The following HERC2 variants were observed in gnomAD, a reference collection of about 807,000 sequenced individuals.
The protein encoded by HERC2 is HECT and RLD domain containing E3 ubiquitin protein ligase 2.
HERC2 carries 102 observed loss-of-function variants against 537.7 expected under a neutral mutation model. That is an observed-to-expected ratio of 0.19 (90% CI 0.16 to 0.22). The LOEUF is 0.22. Among genes scored for constraint, HERC2 ranks in the 10% least tolerant of loss-of-function variants. The probability of loss-of-function intolerance (pLI) is 1.00; values close to 1 mark genes in which losing one functional copy is unlikely to be tolerated. For synonymous variants in HERC2, 2,224 were observed against 2,466.2 expected (o/e 0.90, Z 2.91); for missense variants, 4,236 against 6,198.2 (o/e 0.68, Z 10.63).
At chr15:28,220,843 C>A (rs530694998) in intron 36 of HERC2, among the ~76,000 whole-genome samples, 199 bp from the exon 37 acceptor site, 1 of 148,952 alleles carries the variant, frequency 6.7e-6, no homozygotes, top group Admixed American at 6.7e-5. Flanking sequence ...TAGGAGGGTG[C>A]GTGCCCTGCC....
chr15:28,158,123 T>C (rs1893206124), intron 69 of HERC2, among the ~76,000 whole-genome samples: 1 of 152,232 alleles, frequency 6.6e-6, no homozygotes, highest in South Asian at 2.1e-4. Context: ...ATTTCTGTTA[T>C]TTTACATTTG....
At chr15:28,128,619 G>A (rs1190325871) in intron 83 of HERC2, among the ~76,000 whole-genome samples, 2 of 152,228 alleles carry the variant, frequency 1.3e-5, no homozygotes, top group Non-Finnish European at 2.9e-5. Context: ...TTAACGAGGA[G>A]CACAGTTTGT....
chr15:28,294,564 C>G (rs1207544473), intron 3 of HERC2, among the ~76,000 whole-genome samples: 1 of 150,238 alleles, frequency 6.7e-6, no homozygotes, highest in Non-Finnish European at 1.5e-5. Context: ...TCTGCTCTCA[C>G]GGATAAGATC....
chr15:28,257,326 G>T, intron 16 of HERC2, 65 bp from the exon 17 acceptor site: 1 of 1,385,762 alleles, frequency 7.2e-7, no homozygotes, highest in Non-Finnish European at 1.0e-6. Context: ...CTCCACAGGA[G>T]TCACCAGCGT....
At chr15:28,186,439 C>A (rs543956513) in intron 56 of HERC2, 138 bp downstream of exon 56, 3 of 599,862 alleles carry the variant, frequency 5.0e-6, no homozygotes, top group South Asian at 7.8e-5. Context: ...TTTTTGGAAA[C>A]AACTGTAATT....
intron 9 of HERC2, among the ~76,000 whole-genome samples, chr15:28,271,648 G>A (rs989712712): frequency 5.9e-5 from 9 of 151,758 alleles, no homozygotes; most frequent in Non-Finnish European, 1.2e-4. Flanking sequence ...CAGCCTGGGC[G>A]ACAGAGCAAG....
intron 69 of HERC2, among the ~76,000 whole-genome samples, chr15:28,160,304 T>C (rs1400963235): frequency 6.6e-6 from 1 of 152,206 alleles, no homozygotes; most frequent in Non-Finnish European, 1.5e-5. Flanking sequence ...CTGCTGCCTT[T>C]TGTTCGGCTA....
intron 35 of HERC2, among the ~76,000 whole-genome samples, chr15:28,223,479 G>A (rs1900746723): frequency 6.6e-6 from 1 of 152,128 alleles, no homozygotes; most frequent in Admixed American, 6.5e-5. Context: ...ACTAGCAGGG[G>A]AAACAGCCTT....
At position 28,111,689 on chromosome 15, in the gene HERC2, G is replaced by T; in HGVS notation, c.*74C>A. On this transcript the variant is annotated 3_prime_UTR_variant, in exon 93 of 93. Coordinates refer to ENST00000261609, the MANE Select transcript of HERC2 (RefSeq NM_004667.6). ...CGCTTCTCATCAGACACACCAGGCA[G>T]CCTACAGTCTACACAGCAGCGAGCG... 1 of 1,506,712 alleles carries T rather than the reference G, an allele frequency of 6.6e-7. No homozygotes were observed. The highest frequency in any genetic ancestry group is 9.1e-7 in the Non-Finnish European group (1 of 1,099,930). The allele number at this position is 1,506,712 out of a possible 1,614,324, so 93.3% of individuals were successfully genotyped here.
chr15:28,220,576 C>A lies in HERC2; in HGVS notation c.5721G>T (p.Gln1907His), dbSNP rs778271458. The A allele has an allele frequency of 6.2e-7, 1 of 1,602,328 alleles. No individual in the cohort carries two copies. The highest frequency in any genetic ancestry group is 2.2e-5 in the East Asian group (1 of 44,878). The change falls in exon 37 of 93, where the codon CAG becomes CAT. Residue 1907 changes from glutamine to histidine, a missense_variant. Physicochemically the swap from Gln to His is conservative, Grantham distance 24 (BLOSUM62 0). Around this residue, in one of 27 missense-constraint regions of HERC2, gnomAD observed 365 missense variants for 468.8 expected, o/e 0.78. Transcript: ENST00000261609. ...ELGEDGWIRVQWDTGSTNSYR... is the reference protein window; with the variant it reads ...ELGEDGWIRVHWDTGSTNSYR... The stretch of plus-strand genomic sequence containing the variant: ...AGGAGTTGGTGCTGCCTGTGTCCCA[C>A]TGGACTCTTATCCATCCGTCCTCTC...
chr15:28,228,361 C>A lies in HERC2; in HGVS notation c.5321G>T (p.Gly1774Val). ...LQTITNENPS[G>V]PSLGTIPQAR... ...TTGCGGGATGGTCCCCAGGCTCGGT[C>A]CTGACGGGTTCTCATTGGTGATGGT... The change falls in exon 35 of 93, where the codon GGA becomes GTA. Residue 1774 changes from glycine to valine, a missense_variant. Transcript: ENST00000261609. 1 of 1,612,044 alleles carries A rather than the reference C, an allele frequency of 6.2e-7. No homozygotes were observed. Among genetic ancestry groups the A allele is most frequent in the Non-Finnish European group, 8.5e-7 (1 of 1,179,864 alleles).
intron 57 of HERC2, among the ~76,000 whole-genome samples, chr15:28,181,105 T>C (rs1895775901): frequency 1.3e-5 from 2 of 152,230 alleles, no homozygotes; most frequent in Admixed American, 6.5e-5. Flanking sequence ...AGAAATCATA[T>C]GCTTAAATTT....
At position 28,238,874 on chromosome 15, in the gene HERC2, C is replaced by T; in HGVS notation, c.3578-102G>A. The T allele has an allele frequency of 3.6e-6, 3 of 841,768 alleles. No individual in the cohort carries two copies. In the South Asian group the frequency reaches 4.1e-5, roughly 11 times the overall value. 52.1% of individuals were successfully genotyped at this position (841,768 alleles called of 1,614,324 possible). A position where few individuals can be genotyped will look rare whatever the true frequency, so the allele number is the denominator to read the frequency against. On this transcript the variant is annotated intron_variant, in intron 23 of 92. Coordinates refer to ENST00000261609, the MANE Select transcript of HERC2 (RefSeq NM_004667.6). ...CTACAAGCAGAAATAAACAAACCCACAATCACAATGGGAGAAATACATACC... is the reference window on the plus strand; with the variant it reads ...CTACAAGCAGAAATAAACAAACCCATAATCACAATGGGAGAAATACATACC...
intron 70 of HERC2, among the ~76,000 whole-genome samples, chr15:28,146,590 G>A (rs1891763570): frequency 6.6e-6 from 1 of 151,984 alleles, no homozygotes; most frequent in South Asian, 2.1e-4. Context: ...GGTCACTCCC[G>A]GGCAGACTTT....
Position 28,132,129 on chromosome 15 carries a change from C to T in HERC2, c.12541G>A (p.Gly4181Ser), listed in dbSNP as rs1387476644. 1 of 1,612,006 alleles carries T rather than the reference C, an allele frequency of 6.2e-7. No homozygotes were observed. The highest frequency in any genetic ancestry group is 8.5e-7 in the Non-Finnish European group (1 of 1,178,698). The change falls in exon 81 of 93, where the codon GGC becomes AGC. Residue 4181 changes from glycine (G) to serine (S), a missense_variant. Coordinates refer to ENST00000261609, the MANE Select transcript of HERC2 (RefSeq NM_004667.6). ...ATAGGCACTTTACAGCCATCGCTGC[C>T]TCCCCGGCCGAGCTTGCCGTAGTCC... ...DGDYGKLGRG[G>S]SDGCKVPMKI...
chr15:28,271,369 T>C (rs1323600509), intron 9 of HERC2, among the ~76,000 whole-genome samples: 1 of 152,212 alleles, frequency 6.6e-6, no homozygotes, highest in Non-Finnish European at 1.5e-5. Context: ...GTTTAAAGAC[T>C]GCCAAATAAT....
chr15:28,152,783 C>T lies in HERC2; in HGVS notation c.10794G>A (p.Val3598=). Residue 3598 remains valine, a synonymous_variant, in exon 70 of 93, where the codon GTG becomes GTA. Coordinates refer to ENST00000261609, the MANE Select transcript of HERC2 (RefSeq NM_004667.6). ...GGCGGCCGCTCTGCGAGTCTGTGGC[C>T]ACATCCTCCAACTCGGTGACACAGA... is the stretch of plus-strand genomic sequence containing the variant. ...LELCVTELED[V]ATDSQSGRLS... is the part of the protein sequence containing the mutation. The T allele has an allele frequency of 6.4e-7, 1 of 1,555,576 alleles. No individual in the cohort carries two copies. The highest frequency in any genetic ancestry group is 8.7e-7 in the Non-Finnish European group (1 of 1,149,068).
intron 4 of HERC2, 131 bp downstream of exon 4, chr15:28,292,757 A>G: frequency 1.1e-6 from 1 of 929,148 alleles, no homozygotes; most frequent in South Asian, 1.6e-5. Flanking sequence ...TGTATATTTT[A>G]CCACAATATT....
At chr15:28,148,652 C>T (rs1892025582) in intron 70 of HERC2, among the ~76,000 whole-genome samples, 2 of 150,306 alleles carry the variant, frequency 1.3e-5, no homozygotes, top group African/African-American at 2.5e-5. Context: ...AACGGCCACA[C>T]GAACGCACAT....
Sources: allele counts gnomAD v4.1 joint callset (sites outside exome capture counted in the v4.1 genomes callset), GRCh38; gene constraint gnomAD v4.1.1; regional missense constraint gnomAD v4.1.1; transcripts MANE v1.5; gene names NCBI Gene and HGNC (gene_info 2026-07-23, HGNC 2026-07-21).